The following ELF1 variants were observed in gnomAD, a reference collection of about 807,000 sequenced individuals.
The protein encoded by ELF1 is E74 like ETS transcription factor 1, also known as ETS-related transcription factor Elf-1.
In ELF1, 24 loss-of-function variants were observed where a neutral mutation model predicts 59.9. That is an observed-to-expected ratio of 0.40 (90% CI 0.29 to 0.56). The LOEUF is 0.56. Ranked by LOEUF, ELF1 falls within the 20% of genes least tolerant of loss-of-function variation. The pLI, the probability that ELF1 is intolerant of heterozygous loss-of-function variation, is 0.44. For missense variants in ELF1, 627 were observed against 742.2 expected (o/e 0.84, Z 1.80); for synonymous variants, 248 against 266.2 (o/e 0.93, Z 0.67).
intron 1 of ELF1, among the ~76,000 whole-genome samples, chr13:41,031,953 T>C (rs1481064822): frequency 1.3e-5 from 2 of 151,738 alleles, no homozygotes; most frequent in Non-Finnish European, 2.9e-5. Context: ...ATACATATCA[T>C]ACTTCACTAA....
intron 2 of ELF1, among the ~76,000 whole-genome samples, chr13:40,966,883 T>C (rs1250112003): frequency 6.6e-6 from 1 of 152,236 alleles, no homozygotes; most frequent in Non-Finnish European, 1.5e-5. Flanking sequence ...GACACTACTT[T>C]TTAAAGACAG....
At chr13:40,936,435 T>C (rs1255934894) in intron 8 of ELF1, among the ~76,000 whole-genome samples, 2 of 152,150 alleles carry the variant, frequency 1.3e-5, no homozygotes, top group East Asian at 1.9e-4. Context: ...AGGACTTCGC[T>C]GCTTCTGTTT....
chr13:41,026,064 A>G (rs887937717), intron 1 of ELF1, among the ~76,000 whole-genome samples: 1 of 152,210 alleles, frequency 6.6e-6, no homozygotes. Flanking sequence ...TCAAGGTAAC[A>G]TATTAGTCCA....
intron 1 of ELF1, among the ~76,000 whole-genome samples, chr13:41,045,337 G>T (rs1035333046): frequency 1.8e-4 from 28 of 151,640 alleles, no homozygotes; most frequent in African/African-American, 6.8e-4. Flanking sequence ...GCTAGCTTTT[G>T]AATTTGTTTG....
intron 1 of ELF1, among the ~76,000 whole-genome samples, chr13:40,998,123 G>A (rs1160803110): frequency 6.6e-6 from 1 of 152,112 alleles, no homozygotes; most frequent in Admixed American, 6.6e-5. Context: ...CTCCAGCCTG[G>A]AAGACAGAGA....
rs547967977 is a variant in ELF1 at position 40,987,724 on chromosome 13, T to C, written c.-228-5442A>G. On this transcript the variant is annotated intron_variant, in intron 1 of 8. Coordinates refer to ENST00000239882, the MANE Select transcript of ELF1 (RefSeq NM_172373.4). Reference sequence around the variant, plus strand: ...TGACGTGGTTGAATGACTTCTCTAATGAAGTATGTAATTCAGACTGTGTCT... The same window carrying C: ...TGACGTGGTTGAATGACTTCTCTAACGAAGTATGTAATTCAGACTGTGTCT... Among the ~76,000 whole-genome samples the C allele has an allele frequency of 5.9e-5, 9 of 152,274 alleles. No individual in the cohort carries two copies. The South Asian group carries it at 1.9e-3, about 32-fold the overall frequency.
chr13:41,026,794 T>A (rs1875949016), intron 1 of ELF1, among the ~76,000 whole-genome samples: 1 of 152,142 alleles, frequency 6.6e-6, no homozygotes, highest in Non-Finnish European at 1.5e-5. Flanking sequence ...GTAACATATA[T>A]GTGATTGGGC....
At chr13:40,981,725 T>A (rs570313076) in intron 2 of ELF1, among the ~76,000 whole-genome samples, 1 of 152,124 alleles carries the variant, frequency 6.6e-6, no homozygotes, top group South Asian at 2.1e-4. Flanking sequence ...TAGTGTTAAG[T>A]CTCATTTTAC....
At chr13:40,942,835 CTTA>C in intron 7 of ELF1, 114 bp downstream of exon 7, 1 of 1,103,882 alleles carries the variant, frequency 9.1e-7, no homozygotes, top group Non-Finnish European at 1.2e-6. Flanking sequence ...AATGTACCCT[CTTA>C]TTATGTATTT....
chr13:41,026,275 G>T (rs1875902281), intron 1 of ELF1, among the ~76,000 whole-genome samples: 1 of 152,160 alleles, frequency 6.6e-6, no homozygotes, highest in East Asian at 1.9e-4. Flanking sequence ...AGGATAAATT[G>T]TTGCATCTGG....
chr13:41,036,552 C>T (rs961899238), intron 1 of ELF1, among the ~76,000 whole-genome samples: 2 of 152,124 alleles, frequency 1.3e-5, no homozygotes, highest in African/African-American at 4.8e-5. Flanking sequence ...GTGGCAATTC[C>T]TCAGGGATCC....
rs1872078250 is a variant in ELF1, at chr13:40,964,810, C to T, written c.73-5794G>A. Among the ~76,000 whole-genome samples, 6 of 152,164 alleles carry T rather than the reference C, an allele frequency of 3.9e-5. No homozygotes were observed. The South Asian group carries it at 1.2e-3, about 32-fold the overall frequency. On this transcript the variant is annotated intron_variant, in intron 2 of 8. Coordinates refer to ENST00000239882, the MANE Select transcript of ELF1 (RefSeq NM_172373.4). ...TCGGCCTCCCATAGTGTTGGGATTA[C>T]AGGTGTGAGCCACCGCACCCAGCCC...
intron 2 of ELF1, among the ~76,000 whole-genome samples, chr13:40,970,060 A>G (rs1566175712): frequency 6.6e-6 from 1 of 152,220 alleles, no homozygotes; most frequent in East Asian, 1.9e-4. Context: ...CATTATTACC[A>G]TTCCAAAAAC....
At chr13:41,035,979 A>G (rs958518297) in intron 1 of ELF1, among the ~76,000 whole-genome samples, 1 of 150,610 alleles carries the variant, frequency 6.6e-6, no homozygotes, top group African/African-American at 2.4e-5. Context: ...ATCTCGGCTC[A>G]CTGCAAGCTC....
chr13:41,033,716 G>C (rs1374210802), intron 1 of ELF1, among the ~76,000 whole-genome samples: 5 of 152,236 alleles, frequency 3.3e-5, no homozygotes, highest in African/African-American at 9.6e-5. Flanking sequence ...ATTTGAGGTG[G>C]AACAGTTTCA....
chr13:40,952,004 G>C (rs1870887128), intron 3 of ELF1, among the ~76,000 whole-genome samples: 1 of 152,080 alleles, frequency 6.6e-6, no homozygotes, highest in Non-Finnish European at 1.5e-5. Flanking sequence ...ACAGTTTTTT[G>C]CTTAAATCAA....
At chr13:41,024,191 A>C (rs1875793018), upstream of ELF1, among the ~76,000 whole-genome samples, 1 of 152,192 alleles carries the variant, frequency 6.6e-6, no homozygotes, top group African/African-American at 2.4e-5. Context: ...TGTAACCAGG[A>C]ATGTACCCCT....
At chr13:40,980,140 T>C (rs1873169449) in intron 2 of ELF1, among the ~76,000 whole-genome samples, 1 of 152,150 alleles carries the variant, frequency 6.6e-6, no homozygotes, top group Non-Finnish European at 1.5e-5. Flanking sequence ...AGTAAGATTG[T>C]CACACATTAT....
At chr13:41,025,574 G>C (rs527478696) in intron 1 of ELF1, among the ~76,000 whole-genome samples, 2 of 152,334 alleles carry the variant, frequency 1.3e-5, no homozygotes, top group Admixed American at 1.3e-4. Flanking sequence ...ATAGAGATAA[G>C]AGGTCTGTAC....
Sources: allele counts gnomAD v4.1 joint callset (sites outside exome capture counted in the v4.1 genomes callset), GRCh38; gene constraint gnomAD v4.1.1; transcripts MANE v1.5; gene names NCBI Gene and HGNC (gene_info 2026-07-23, HGNC 2026-07-21).